Variants in RYR1 observed in about 807,000 individuals in gnomAD.
RYR1 encodes the protein central core disease of muscle.
A neutral mutation model predicts 583.5 loss-of-function variants in RYR1; 342 were observed. The ratio of observed to expected loss-of-function variants is 0.59; its 90% CI spans 0.54 to 0.64. The LOEUF (loss-of-function observed/expected upper bound fraction) is 0.64, where lower values mean the gene tolerates loss of function less well. Ranked by LOEUF, RYR1 falls within the 30% of genes least tolerant of loss-of-function variation. RYR1 has a pLI of 0.00. For missense variants in RYR1, 6,032 were observed against 6,917.2 expected, an observed-to-expected ratio of 0.87 and a Z score of 4.54; for synonymous variants, 2,791 against 2,822.5, an observed-to-expected ratio of 0.99 and a Z score of 0.35.
chr19:38,513,147 G>A (rs1970804534), intron 63 of RYR1, among the ~76,000 whole-genome samples: 1 of 152,176 alleles, frequency 6.6e-6, no homozygotes, highest in South Asian at 2.1e-4. Flanking sequence ...AGACCAGCCT[G>A]GCCAACATGA....
chr19:38,446,089 G>A (rs79227810), intron 7 of RYR1, among the ~76,000 whole-genome samples: 3,649 of 152,010 alleles, frequency 0.024, 165 homozygotes, highest in African/African-American at 0.082. Context: ...AAACCCAGAG[G>A]CCAAACCTCA....
At chr19:38,463,944 G>A (rs890185828) in intron 22 of RYR1, 94 bp downstream of exon 22, 1 of 961,426 alleles carries the variant, frequency 1.0e-6, no homozygotes, top group Non-Finnish European at 1.7e-6. Flanking sequence ...GAGACTGAGA[G>A]AGAGAAGGAT....
intron 1 of RYR1, among the ~76,000 whole-genome samples, chr19:38,435,065 C>T (rs1166773372): frequency 2.0e-5 from 3 of 152,242 alleles, no homozygotes; most frequent in Non-Finnish European, 4.4e-5. Flanking sequence ...CCTAATAAGA[C>T]CATGGCCATG....
intron 58 of RYR1, among the ~76,000 whole-genome samples, chr19:38,510,248 G>A (rs1970665892): frequency 6.6e-6 from 1 of 152,108 alleles, no homozygotes; most frequent in Admixed American, 6.5e-5. Context: ...TTGAACTCAG[G>A]AGGCAGAGAG....
chr19:38,434,459 T>A (rs1972335924), intron 1 of RYR1, among the ~76,000 whole-genome samples: 1 of 152,000 alleles, frequency 6.6e-6, no homozygotes, highest in South Asian at 2.1e-4. Context: ...GGTCTCTGGG[T>A]GGTGTCTCTC....
intron 1 of RYR1, among the ~76,000 whole-genome samples, chr19:38,436,316 T>G (rs1972425307): frequency 6.6e-6 from 1 of 151,996 alleles, no homozygotes; most frequent in South Asian, 2.1e-4. Context: ...CCAGTGATCC[T>G]CCCACCTCAG....
chr19:38,448,557 C>T lies in RYR1; in HGVS notation c.957+46C>T, dbSNP rs375022628. The stretch of plus-strand genomic sequence containing the variant: ...CCTCCCTCACCTGAAGCCCCCAGTC[C>T]CAGCCCAGCCTGCACTCTGCAGTCC... On this transcript the variant is annotated intron_variant, in intron 10 of 105. Transcript: ENST00000359596. 6.2e-6 allele frequency: 10 copies of T among 1,614,010 alleles called. No individual in the cohort carries two copies. In the Admixed American group the frequency reaches 8.3e-5, roughly 13 times the overall value.
chr19:38,475,915 C>T (rs1968699505), intron 29 of RYR1, among the ~76,000 whole-genome samples: 1 of 152,214 alleles, frequency 6.6e-6, no homozygotes, highest in Admixed American at 6.5e-5. Flanking sequence ...ATTTTGGCAC[C>T]AGGGATCAAT....
intron 1 of RYR1, among the ~76,000 whole-genome samples, chr19:38,434,789 CCT>C (rs1972352444): frequency 6.6e-6 from 1 of 152,102 alleles, no homozygotes; most frequent in African/African-American, 2.4e-5. Context: ...GAGGGGACGT[CCT>C]CTCCTCTGGG....
intron 66 of RYR1, 98 bp downstream of exon 66, chr19:38,517,789 G>A: frequency 8.2e-7 from 1 of 1,226,466 alleles, no homozygotes; most frequent in African/African-American, 1.5e-5. Context: ...CCTCGGAGTT[G>A]GGAGGAGTCA....
intron 1 of RYR1, among the ~76,000 whole-genome samples, chr19:38,439,818 C>T (rs1972590537): frequency 6.6e-6 from 1 of 152,170 alleles, no homozygotes; most frequent in South Asian, 2.1e-4. Context: ...CAATACTGTC[C>T]TTTATGGTAC....
intron 29 of RYR1, 57 bp from the exon 30 acceptor site, chr19:38,477,653 G>A: frequency 6.2e-7 from 1 of 1,613,096 alleles, no homozygotes; most frequent in Non-Finnish European, 8.5e-7. Context: ...CGAGTCCCAG[G>A]GAGCCCGAGT....
At chr19:38,491,434 CTTTTTT>C (rs112294433) in intron 37 of RYR1, among the ~76,000 whole-genome samples, 1 of 136,198 alleles carries the variant, frequency 7.3e-6, no homozygotes, top group African/African-American at 2.7e-5. Context: ...TTTCATTTTG[CTTTTTT>C]TTTTTTTTTG....
chr19:38,465,287 G>A (rs1201855352), intron 23 of RYR1, among the ~76,000 whole-genome samples: 1 of 151,206 alleles, frequency 6.6e-6, no homozygotes, highest in African/African-American at 2.4e-5. Flanking sequence ...GGGCAACATG[G>A]TGAGACCCCT....
At chr19:38,539,186 G>A (rs1488553580) in intron 84 of RYR1, among the ~76,000 whole-genome samples, 3 of 150,610 alleles carry the variant, frequency 2.0e-5, no homozygotes, top group African/African-American at 4.9e-5. Context: ...TGTCCACAAC[G>A]AGTTTTTCAA....
Position 38,569,200 on chromosome 19 carries a change from C to T in RYR1, c.13659+1283C>T, listed in dbSNP as rs183538839. ...TAATTTTTTGTATTTTTAGTAGAAACGGGGTTTCACCGTGTTAGCCAGAAT... is the reference window on the plus strand; with the variant it reads ...TAATTTTTTGTATTTTTAGTAGAAATGGGGTTTCACCGTGTTAGCCAGAAT... On this transcript the variant is annotated intron_variant, in intron 93 of 105. Coordinates refer to ENST00000359596, the MANE Select transcript of RYR1 (RefSeq NM_000540.3). Among the ~76,000 whole-genome samples, 456 of 152,192 alleles carry T rather than the reference C, an allele frequency of 3.0e-3. 1 individual carries two copies. The highest frequency in any genetic ancestry group is 5.3e-3 in the Non-Finnish European group (360 of 68,010).
At chr19:38,438,019 G>T (rs921774089) in intron 1 of RYR1, among the ~76,000 whole-genome samples, 1 of 151,082 alleles carries the variant, frequency 6.6e-6, no homozygotes, top group African/African-American at 2.4e-5. Context: ...TTTTCAAGGG[G>T]CCCATGCAAG....
At chr19:38,468,232 C>T (rs1968229793) in intron 25 of RYR1, among the ~76,000 whole-genome samples, 1 of 151,892 alleles carries the variant, frequency 6.6e-6, no homozygotes, top group African/African-American at 2.4e-5. Flanking sequence ...TCCATCCATC[C>T]ATCCATCATC....
chr19:38,564,876 C>T, intron 90 of RYR1, 83 bp from the exon 91 acceptor site: 2 of 1,530,244 alleles, frequency 1.3e-6, no homozygotes, highest in Non-Finnish European at 1.8e-6. Context: ...CCGCGGTGAC[C>T]CCTTGTAGCT....
Sources: allele counts gnomAD v4.1 joint callset (sites outside exome capture counted in the v4.1 genomes callset), GRCh38; gene constraint gnomAD v4.1.1; transcripts MANE v1.5; gene names NCBI Gene and HGNC (gene_info 2026-07-23, HGNC 2026-07-21).